The following HTT variants were observed in gnomAD, a reference collection of about 807,000 sequenced individuals.
The protein encoded by HTT is huntington disease protein.
In HTT, 104 loss-of-function variants were observed where a neutral mutation model predicts 362.3. That is an observed-to-expected ratio of 0.29 (90% confidence interval 0.24 to 0.34). The LOEUF (loss-of-function observed/expected upper bound fraction) is 0.34, where lower values mean the gene tolerates loss of function less well. Among genes scored for constraint, HTT ranks in the 10% least tolerant of loss-of-function variants. HTT has a pLI of 1.00. For missense variants in HTT, 3,301 were observed against 3,928.6 expected, an observed-to-expected ratio of 0.84 and a Z score of 4.27; for synonymous variants, 1,577 against 1,548.7, an observed-to-expected ratio of 1.02 and a Z score of -0.43.
chr4:3,175,928 C>G (rs1178270860), intron 33 of HTT, among the ~76,000 whole-genome samples: 1 of 151,974 alleles, frequency 6.6e-6, no homozygotes, highest in Non-Finnish European at 1.5e-5. Flanking sequence ...CTGAAAGGGT[C>G]TGTTTCCCTA....
chr4:3,081,666 C>G (rs542416279), intron 1 of HTT, among the ~76,000 whole-genome samples: 23 of 144,842 alleles, frequency 1.6e-4, no homozygotes, highest in African/African-American at 5.3e-4. Context: ...TCAAGACATT[C>G]TCCTGCACGG....
At chr4:3,202,900 G>A (rs1335889579) in intron 41 of HTT, 2 of 152,376 alleles carry the variant, frequency 1.3e-5, no homozygotes, top group Non-Finnish European at 2.9e-5. Context: ...AGCTGCTTGG[G>A]AGGCTGAGGC....
At position 3,235,369 on chromosome 4, in the gene HTT, G is replaced by A; in HGVS notation, c.8542G>A (p.Gly2848Arg). The change falls in exon 62 of 67, where the codon GGG (glycine) becomes AGG (arginine). Residue 2848 changes from glycine to arginine, a missense_variant. By Grantham distance (125) the Gly-to-Arg change is moderately radical. Transcript: ENST00000355072. Reference sequence around the variant, plus strand: ...CATTGAGAACTATCCTCTGGACGTAGGGCCGGAATTTTCAGCATCAATAAT... The same window carrying A: ...CATTGAGAACTATCCTCTGGACGTAAGGCCGGAATTTTCAGCATCAATAAT... ...YLIENYPLDV[G>R]PEFSASIIQM... 1 of 1,613,444 alleles carries A rather than the reference G, an allele frequency of 6.2e-7. No individual in the cohort carries two copies. The highest frequency in any genetic ancestry group is 8.5e-7 in the Non-Finnish European group (1 of 1,179,316).
chr4:3,145,718 G>A (rs1416640891), intron 24 of HTT, among the ~76,000 whole-genome samples: 1 of 152,200 alleles, frequency 6.6e-6, no homozygotes, highest in Non-Finnish European at 1.5e-5. Context: ...CAGCATTCAG[G>A]AATAGGCTTT....
intron 60 of HTT, among the ~76,000 whole-genome samples, chr4:3,230,378 A>G (rs1166794442): frequency 1.3e-5 from 2 of 152,162 alleles, no homozygotes; most frequent in Non-Finnish European, 1.5e-5. Context: ...TGGAAATGCT[A>G]CTGGCTTCCC....
intron 16 of HTT, 36 bp downstream of exon 16, chr4:3,131,811 T>C (rs1715830347): frequency 6.3e-7 from 1 of 1,581,826 alleles, no homozygotes; most frequent in African/African-American, 1.4e-5. Context: ...TTCTCAGATT[T>C]AATCATTATT....
chr4:3,124,378 T>G (rs1715426896), intron 10 of HTT, among the ~76,000 whole-genome samples: 1 of 152,214 alleles, frequency 6.6e-6, no homozygotes, highest in African/African-American at 2.4e-5. Context: ...TTTCCCCCAT[T>G]GAGAGCTGTG....
At position 3,075,268 on chromosome 4, in the gene HTT, C is replaced by G. The variant is rs978857012; in HGVS notation, c.263+180C>G. On this transcript the variant is annotated intron_variant, in intron 1 of 66. Coordinates refer to ENST00000355072, the MANE Select transcript of HTT (RefSeq NM_001388492.1). ...CCCCTCCTGGGGCGAGGCCTTCCCC[C>G]ACTTCAGCCCCGCTCCCTCACTTGG... is the stretch of plus-strand genomic sequence containing the variant. Among the ~76,000 whole-genome samples, 3 of 152,226 alleles carry G rather than the reference C, an allele frequency of 2.0e-5. No homozygotes were observed. In the South Asian group the frequency reaches 6.2e-4, roughly 31 times the overall value.
intron 66 of HTT, among the ~76,000 whole-genome samples, chr4:3,239,364 C>T (rs368713590): frequency 1.6e-4 from 25 of 152,338 alleles, no homozygotes; most frequent in African/African-American, 5.0e-4. Context: ...ATCGCCCTCT[C>T]GGGGAAAGGC....
At chr4:3,097,649 A>G (rs1578495498) in intron 2 of HTT, among the ~76,000 whole-genome samples, 1 of 152,172 alleles carries the variant, frequency 6.6e-6, no homozygotes, top group Non-Finnish European at 1.5e-5. Context: ...ATAAATAAAT[A>G]AAAAGGACTA....
At position 3,218,021 on chromosome 4, in the gene HTT, C is replaced by A; in HGVS notation, c.7242+69C>A. Reference sequence around the variant, plus strand: ...GCACCGGTAGGCCCTGGGCTGGGCACACGTGAGAGGGCGGGACAGAATCCC... The same window carrying A: ...GCACCGGTAGGCCCTGGGCTGGGCAAACGTGAGAGGGCGGGACAGAATCCC... On this transcript the variant is annotated intron_variant, in intron 52 of 66. Coordinates refer to ENST00000355072, the MANE Select transcript of HTT (RefSeq NM_001388492.1). The surrounding 1 kb of genome is among the most constrained non-coding windows in gnomAD (Gnocchi z 4.4). 7.4e-7 allele frequency: 1 copy of A among 1,348,448 alleles called. No individual in the cohort carries two copies. The highest frequency in any genetic ancestry group is 1.0e-6 in the Non-Finnish European group (1 of 985,494). 83.5% of individuals were successfully genotyped at this position (1,348,448 alleles called of 1,614,324 possible).
chr4:3,146,924 A>G lies in HTT; in HGVS notation c.3271A>G (p.Ile1091Val). Residue 1091 changes from isoleucine (I) to valine (V), a missense_variant, in exon 25 of 67, where the codon ATT becomes GTT. Ile to Val is a conservative substitution (Grantham distance 29). Around this residue, in one of 4 missense-constraint regions of HTT, gnomAD observed 2,316 missense variants for 2,658.5 expected, o/e 0.87. Coordinates refer to ENST00000355072, the MANE Select transcript of HTT (RefSeq NM_001388492.1). ...TCTCTCAGCCCATCAAGATGCTTTG[A>G]TTTTGGCCGGAAACTTGCTTGCAGG... is the stretch of plus-strand genomic sequence containing the variant. ...LDLSAHQDAL[I>V]LAGNLLAASA... is the part of the protein sequence containing the mutation. The G allele has an allele frequency of 6.2e-7, 1 of 1,614,058 alleles. No individual in the cohort carries two copies. Among genetic ancestry groups the G allele is most frequent in the East Asian group, 2.2e-5 (1 of 44,874 alleles).
Position 3,148,055 on chromosome 4 carries a change from A to C in HTT, c.3346A>C (p.Asn1116His), listed in dbSNP as rs371584472. The C allele has an allele frequency of 6.2e-7, 1 of 1,614,034 alleles. No individual in the cohort carries two copies. Among genetic ancestry groups the C allele is most frequent in the Non-Finnish European group, 8.5e-7 (1 of 1,180,004 alleles). The change falls in exon 26 of 67, where the codon AAC becomes CAC. Residue 1116 changes from asparagine to histidine, a missense_variant. Physicochemically the swap from Asn to His is moderately conservative, Grantham distance 68 (BLOSUM62 1). Transcript: ENST00000355072. Reference protein sequence around the residue: ...RSSWASEEEANPAATKQEEVW... With the variant: ...RSSWASEEEAHPAATKQEEVW... ...TTCATGGGCCTCTGAAGAAGAAGCC[A>C]ACCCAGCAGCCACCAAGCAAGAGGA... is the stretch of plus-strand genomic sequence containing the variant.
intron 15 of HTT, 110 bp downstream of exon 15, chr4:3,131,507 T>C (rs1471226038): frequency 4.1e-6 from 6 of 1,470,228 alleles, no homozygotes; most frequent in Admixed American, 1.7e-5. Flanking sequence ...AATCTGAGGA[T>C]GAGTTTGGTT....
At chr4:3,213,658 G>A (rs1402657254) in intron 49 of HTT, among the ~76,000 whole-genome samples, 2 of 152,218 alleles carry the variant, frequency 1.3e-5, no homozygotes, top group African/African-American at 4.8e-5. Context: ...CCAAGGAAGA[G>A]CCTCTGGCCT....
chr4:3,206,359 T>TA lies in HTT; in HGVS notation c.5719-136dup. The TA allele has an allele frequency of 1.5e-6, 1 of 676,638 alleles. No individual in the cohort carries two copies. The highest frequency in any genetic ancestry group is 3.1e-4 in the Middle Eastern group (1 of 3,200). The allele number at this position is 676,638 out of a possible 1,614,324, so 41.9% of individuals were successfully genotyped here. A position where few individuals can be genotyped will look rare whatever the true frequency, so the allele number is the denominator to read the frequency against. On this transcript the variant is annotated intron_variant, in intron 42 of 66. Transcript: ENST00000355072. This position sits in a 1 kb window ranked among gnomAD's most constrained non-coding sequence, Gnocchi z 4.6. ...CTACCTCCTCAATTATTTGTGCTCA[T>TA]ACACTGTATATTTTTAGTGAGGTTT... is the stretch of plus-strand genomic sequence containing the variant.
Position 3,134,503 on chromosome 4 carries a change from A to T in HTT, c.2596A>T (p.Thr866Ser). 6.2e-7 allele frequency: 1 copy of T among 1,614,092 alleles called. No homozygotes were observed. Among genetic ancestry groups the T allele is most frequent in the Non-Finnish European group, 8.5e-7 (1 of 1,179,968 alleles). ...GAACAGTTCCTATTGGCTGGTGAGG[A>T]CAGAGCTTCTGGAAACCCTTGCAGA... Reference protein sequence around the residue: ...LRNSSYWLVRTELLETLAEID... With the variant: ...LRNSSYWLVRSELLETLAEID... The change falls in exon 19 of 67, where the codon ACA becomes TCA. Residue 866 changes from threonine to serine, a missense_variant. Physicochemically the swap from Thr to Ser is moderately conservative, Grantham distance 58. Transcript: ENST00000355072.
intron 2 of HTT, among the ~76,000 whole-genome samples, chr4:3,088,879 G>A (rs1391576394): frequency 6.6e-6 from 1 of 151,842 alleles, no homozygotes; most frequent in Non-Finnish European, 1.5e-5. Context: ...ATTCTGTTCT[G>A]TTTCTGTCTA....
chr4:3,179,705 ATG>A, intron 35 of HTT, among the ~76,000 whole-genome samples: 1 of 130,018 alleles, frequency 7.7e-6, no homozygotes, highest in East Asian at 2.4e-4. Flanking sequence ...GTGTGTGCTC[ATG>A]TGTGTGCATA....
Sources: gnomAD v4.1 joint callset for allele counts (sites outside exome capture counted in the v4.1 genomes callset) on GRCh38, gnomAD v4.1.1 for gene constraint, gnomAD v4.1.1 regional missense constraint, Gnocchi (gnomAD v3.1) non-coding constraint, MANE v1.5 for transcripts, NCBI Gene and HGNC (gene_info 2026-07-23, HGNC 2026-07-21) for gene names.